EPS8: variants seen among roughly 807,000 people sequenced by gnomAD.
EPS8 encodes the protein EGFR pathway substrate 8, signaling adaptor.
Under a neutral mutation model 103.8 loss-of-function variants are expected in EPS8, and 42 were observed. The observed-to-expected ratio is 0.40, with a 90% CI of 0.32 to 0.52. The LOEUF (loss-of-function observed/expected upper bound fraction) is 0.52, where lower values mean the gene tolerates loss of function less well. EPS8 is among the 20% of genes least tolerant of loss of function. EPS8 has a pLI of 0.40. For synonymous variants in EPS8, 344 were observed against 344.6 expected, an observed-to-expected ratio of 1.00 and a Z score of 0.02; for missense variants, 969 against 1,005.1, an observed-to-expected ratio of 0.96 and a Z score of 0.49.
At chr12:15,715,177 T>C (rs1439544224) in intron 1 of EPS8, among the ~76,000 whole-genome samples, 5 of 152,020 alleles carry the variant, frequency 3.3e-5, no homozygotes, top group Non-Finnish European at 7.4e-5. Context: ...CATCCAAAGA[T>C]TGGTTGACAT....
intron 1 of EPS8, among the ~76,000 whole-genome samples, chr12:15,724,610 T>C (rs146852313): frequency 6.6e-6 from 1 of 152,228 alleles, no homozygotes; most frequent in Non-Finnish European, 1.5e-5. Context: ...TCTTGAATTA[T>C]AGCTCCCATA....
intron 1 of EPS8, among the ~76,000 whole-genome samples, chr12:15,758,287 C>T (rs1481915741): frequency 6.6e-6 from 1 of 152,148 alleles, no homozygotes; most frequent in African/African-American, 2.4e-5. Context: ...TTGAAAGATA[C>T]AATCTGCCAC....
intron 1 of EPS8, among the ~76,000 whole-genome samples, chr12:15,746,370 T>C (rs1591915808): frequency 6.6e-6 from 1 of 151,882 alleles, no homozygotes; most frequent in East Asian, 1.9e-4. Context: ...TTTCCCACCA[T>C]AAGCTTACTC....
chr12:15,782,747 G>A (rs1213480786), intron 1 of EPS8, among the ~76,000 whole-genome samples: 2 of 152,108 alleles, frequency 1.3e-5, no homozygotes, highest in East Asian at 3.9e-4. Context: ...CAAATGTAAA[G>A]ATGCAGTATT....
At chr12:15,724,996 C>T (rs933656030) in intron 1 of EPS8, among the ~76,000 whole-genome samples, 2 of 152,016 alleles carry the variant, frequency 1.3e-5, no homozygotes, top group African/African-American at 4.8e-5. Flanking sequence ...CTTCAGTTCA[C>T]TTTGTCATTT....
rs1947136105 is a variant in EPS8, at chr12:15,769,964, C to A, written c.-22+19197G>T. On this transcript the variant is annotated intron_variant, in intron 1 of 20. Coordinates refer to ENST00000281172, the MANE Select transcript of EPS8 (RefSeq NM_004447.6). The surrounding 1 kb of genome is among the most constrained non-coding windows in gnomAD (Gnocchi z 4.6). ...AGGTTTTTTTTTTTCTTTTTTGAGA[C>A]TAGGGTCTCGCTCTTTCACCCATGC... Among the ~76,000 whole-genome samples the A allele has an allele frequency of 1.3e-5, 2 of 148,960 alleles. No homozygotes were observed.
Position 15,772,348 on chromosome 12 carries a change from A to C in EPS8, c.-22+16813T>G, listed in dbSNP as rs1784464901. 6.6e-6 allele frequency among the ~76,000 whole-genome samples: 1 copy of C among 152,156 alleles called. No individual in the cohort carries two copies. Among genetic ancestry groups the C allele is most frequent in the African/African-American group, 2.4e-5 (1 of 41,446 alleles). On this transcript the variant is annotated intron_variant, in intron 1 of 20. Transcript: ENST00000281172. The surrounding 1 kb of genome is among the most constrained non-coding windows in gnomAD (Gnocchi z 5.0). The stretch of plus-strand genomic sequence containing the variant: ...GATATTCAGCTTCAGTCATAAATAG[A>C]GTTAGAGTTCCCAAGAAAGGCATCA...
chr12:15,668,351 T>A (rs1945753766), intron 6 of EPS8, among the ~76,000 whole-genome samples: 1 of 152,200 alleles, frequency 6.6e-6, no homozygotes. Context: ...AAAGATCAAG[T>A]AACTGTGCTA....
chr12:15,710,290 A>C (rs1022471408), intron 1 of EPS8, among the ~76,000 whole-genome samples: 1 of 152,248 alleles, frequency 6.6e-6, no homozygotes, highest in African/African-American at 2.4e-5. Flanking sequence ...AAATCTAGTG[A>C]TCAGAATAAT....
At chr12:15,683,979 A>G (rs554840636) in intron 1 of EPS8, 40 of 152,318 alleles carry the variant, frequency 2.6e-4, no homozygotes, top group Admixed American at 1.2e-3. Context: ...AATATTGATT[A>G]TTAAGTTTCA....
intron 5 of EPS8, 23 bp downstream of exon 5, chr12:15,669,641 T>G: frequency 6.4e-7 from 1 of 1,567,912 alleles, no homozygotes; most frequent in Non-Finnish European, 8.6e-7. Context: ...GAAAATAAAA[T>G]AGTATAAATT....
intron 1 of EPS8, among the ~76,000 whole-genome samples, chr12:15,766,362 G>A (rs1049812599): frequency 1.3e-5 from 2 of 151,676 alleles, no homozygotes; most frequent in African/African-American, 4.8e-5. Context: ...GCCTGGTGGT[G>A]GGCACCTGTA....
intron 1 of EPS8, among the ~76,000 whole-genome samples, chr12:15,718,858 T>C (rs1337591959): frequency 6.6e-6 from 1 of 152,180 alleles, no homozygotes; most frequent in Admixed American, 6.5e-5. Flanking sequence ...TTCCGGGTTC[T>C]TAAGTGCCAT....
intron 10 of EPS8, among the ~76,000 whole-genome samples, 200 bp downstream of exon 10, chr12:15,660,414 C>T (rs1945584456): frequency 1.3e-5 from 2 of 152,070 alleles, no homozygotes; most frequent in African/African-American, 4.8e-5. Flanking sequence ...CAGGCACATG[C>T]CACCATGCCC....
At chr12:15,770,027 C>T (rs1947137067) in intron 1 of EPS8, among the ~76,000 whole-genome samples, 1 of 151,208 alleles carries the variant, frequency 6.6e-6, no homozygotes, top group Admixed American at 6.6e-5. Context: ...ATTGCAGCCT[C>T]AAACTCCCAG....
At chr12:15,755,207 A>C (rs1946973968) in intron 1 of EPS8, among the ~76,000 whole-genome samples, 1 of 152,186 alleles carries the variant, frequency 6.6e-6, no homozygotes, top group Admixed American at 6.5e-5. Context: ...TTGTTGGAAA[A>C]TCAAGTTCTC....
In EPS8 at chr12:15,767,889, A is replaced by G. The variant is rs1348484349; in HGVS notation, c.-22+21272T>C. ...AAGTTGTCTTTCCCCAGAGAATAAA[A>G]TAGATATTTTTGGTTGTTATTTTAC... On this transcript the variant is annotated intron_variant, in intron 1 of 20. Coordinates refer to ENST00000281172, the MANE Select transcript of EPS8 (RefSeq NM_004447.6). This position sits in a 1 kb window ranked among gnomAD's most constrained non-coding sequence, Gnocchi z 5.5. Among the ~76,000 whole-genome samples the G allele has an allele frequency of 6.6e-6, 1 of 152,234 alleles. No homozygotes were observed. The highest frequency in any genetic ancestry group is 1.5e-5 in the Non-Finnish European group (1 of 68,030).
chr12:15,694,576 A>T (rs115197832), intron 1 of EPS8, among the ~76,000 whole-genome samples: 12,095 of 152,204 alleles, frequency 0.079, 666 homozygotes, highest in Non-Finnish European at 0.12. Context: ...ATTCTTTATT[A>T]ATTTTTTCCC....
intron 1 of EPS8, among the ~76,000 whole-genome samples, chr12:15,703,311 C>G (rs1028040124): frequency 3.3e-5 from 5 of 152,160 alleles, no homozygotes; most frequent in Admixed American, 3.3e-4. Context: ...GATATACAAA[C>G]AGATAATTAC....
Sources: allele counts gnomAD v4.1 joint callset (sites outside exome capture counted in the v4.1 genomes callset), GRCh38; gene constraint gnomAD v4.1.1; non-coding constraint Gnocchi (gnomAD v3.1); transcripts MANE v1.5; gene names NCBI Gene and HGNC (gene_info 2026-07-23, HGNC 2026-07-21).